Variants in AZIN2 observed in about 807,000 individuals in gnomAD.
AZIN2 encodes the protein antizyme inhibitor 2, also known as ODC antizyme inhibitor-2.
In AZIN2, 28 loss-of-function variants were observed where a neutral mutation model predicts 47.8. The ratio of observed to expected loss-of-function variants is 0.59; its 90% CI spans 0.43 to 0.80. AZIN2 has a LOEUF of 0.80. Ranked by LOEUF, AZIN2 falls within the 30% of genes least tolerant of loss-of-function variation. AZIN2 has a pLI of 0.00. For missense variants in AZIN2, 535 were observed against 582.5 expected (o/e 0.92, Z 0.84); for synonymous variants, 221 against 239.4 (o/e 0.92, Z 0.71).
At chr1:33,157,275 G>A in the AZIN2 span, among the ~76,000 whole-genome samples, 11 of 152,020 alleles carry the variant, frequency 7.2e-5, no homozygotes, top group Non-Finnish European at 1.5e-4. Flanking sequence ...TGCTCTTCCT[G>A]CCTGGGAAAC....
intron 10 of AZIN2, among the ~76,000 whole-genome samples, chr1:33,105,138 G>A (rs1643935027): frequency 6.6e-6 from 1 of 152,186 alleles, no homozygotes; most frequent in Admixed American, 6.5e-5. Flanking sequence ...AATCAGAGCT[G>A]GGTGGGGAGA....
At position 33,096,861 on chromosome 1, in the gene AZIN2, G is replaced by T; in HGVS notation, c.908G>T (p.Gly303Val). Residue 303 changes from glycine to valine, a missense_variant, in exon 9 of 12, where the codon GGC becomes GTC. Gly to Val is a moderately radical substitution (Grantham distance 109). Around this residue, in one of 3 missense-constraint regions of AZIN2, gnomAD observed 409 missense variants for 429.0 expected, o/e 0.95. Transcript: ENST00000294517. Reference sequence around the variant, plus strand: ...AAGGAGGTTCTGCTAGACCAGCCTGGCAGGGAGGGTAGGTGCCAGGTGGGC... The same window carrying T: ...AAGGAGGTTCTGCTAGACCAGCCTGTCAGGGAGGGTAGGTGCCAGGTGGGC... ...AKKEVLLDQPGREEENGSTSK... is the reference protein window; with the variant it reads ...AKKEVLLDQPVREEENGSTSK... 1 of 1,614,144 alleles carries T rather than the reference G, an allele frequency of 6.2e-7. No homozygotes were observed. The highest frequency in any genetic ancestry group is 8.5e-7 in the Non-Finnish European group (1 of 1,180,008).
At chr1:33,162,813 C>G in the AZIN2 span, 1 of 152,292 alleles carries the variant, frequency 6.6e-6, no homozygotes, top group African/African-American at 2.4e-5. Flanking sequence ...ACTACAAAGC[C>G]ATAGCTCTTG....
At chr1:33,107,254 A>G (rs758171875) in intron 10 of AZIN2, among the ~76,000 whole-genome samples, 1 of 151,454 alleles carries the variant, frequency 6.6e-6, no homozygotes, top group Non-Finnish European at 1.5e-5. Context: ...ACTGCACTCT[A>G]GCCTGGGCAA....
the AZIN2 span, chr1:33,166,223 A>G: frequency 6.6e-6 from 1 of 152,294 alleles, no homozygotes; most frequent in Non-Finnish European, 1.5e-5. Flanking sequence ...CTGATCCTAC[A>G]TCATGTTGAG....
At position 33,093,887 on chromosome 1, in the gene AZIN2, A is replaced by G. The variant is rs748448044; in HGVS notation, c.587+471A>G. On this transcript the variant is annotated intron_variant, in intron 7 of 11. Transcript: ENST00000294517. The stretch of plus-strand genomic sequence containing the variant: ...GTAGCTGTGACCACAGGCGTGCATT[A>G]CCACACCTGACTAATTTTTATTTGT... Among the ~76,000 whole-genome samples the G allele has an allele frequency of 7.0e-4, 106 of 151,824 alleles. 1 individual carries two copies. Among genetic ancestry groups the G allele is most frequent in the Non-Finnish European group, 1.5e-4 (10 of 67,956 alleles).
chr1:33,151,963 G>C, the AZIN2 span, among the ~76,000 whole-genome samples: 10 of 152,350 alleles, frequency 6.6e-5, no homozygotes, highest in Non-Finnish European at 1.0e-4. Context: ...AACATGAAAG[G>C]CTGGCTGTAA....
chr1:33,119,405 T>A (rs762339425), intron 11 of AZIN2: 1 of 155,842 alleles, frequency 6.4e-6, no homozygotes, highest in Non-Finnish European at 1.4e-5. Flanking sequence ...GAAATGGTGT[T>A]ACCCATGGGG....
chr1:33,114,671 T>TG (rs1644452416), intron 10 of AZIN2, among the ~76,000 whole-genome samples: 4 of 143,716 alleles, frequency 2.8e-5, no homozygotes, highest in Admixed American at 2.1e-4. Context: ...TTTTTTTTTT[T>TG]TTGAGATGGA....
chr1:33,115,717 T>C (rs1644510643), intron 10 of AZIN2, among the ~76,000 whole-genome samples: 2 of 152,076 alleles, frequency 1.3e-5, no homozygotes, highest in Admixed American at 1.3e-4. Flanking sequence ...AAAAGTTAAA[T>C]AGATACATAA....
At chr1:33,095,978 C>T (rs1485479634) in intron 8 of AZIN2, among the ~76,000 whole-genome samples, 2 of 152,134 alleles carry the variant, frequency 1.3e-5, no homozygotes, top group Non-Finnish European at 2.9e-5. Flanking sequence ...GCTAGGATTA[C>T]AGGTGCAAGC....
intron 10 of AZIN2, among the ~76,000 whole-genome samples, chr1:33,100,923 G>A (rs1643633237): frequency 6.6e-6 from 1 of 152,032 alleles, no homozygotes; most frequent in Non-Finnish European, 1.5e-5. Flanking sequence ...GTTCAGTGGT[G>A]TGATCTCGGC....
the AZIN2 span, chr1:33,146,952 A>T: frequency 1.7e-6 from 1 of 578,564 alleles, no homozygotes; most frequent in Non-Finnish European, 3.1e-6. Flanking sequence ...CTTGGATCAA[A>T]GCTGTATCCC....
At chr1:33,087,489 T>C (rs1167821641) in intron 5 of AZIN2, among the ~76,000 whole-genome samples, 1 of 151,194 alleles carries the variant, frequency 6.6e-6, no homozygotes, top group Non-Finnish European at 1.5e-5. Context: ...CAGGGTGGAG[T>C]GCAGTGGCGT....
chr1:33,082,228 C>A lies in AZIN2; in HGVS notation c.-22C>A. 6.2e-7 allele frequency: 1 copy of A among 1,605,222 alleles called. No individual in the cohort carries two copies. Among genetic ancestry groups the A allele is most frequent in the Non-Finnish European group, 8.5e-7 (1 of 1,172,490 alleles). ...GGCTGCAGCAGCGGCTCCATCCAGC[C>A]CGTCAGCTCCTCCTGCAAGGCATGG... On this transcript the variant is annotated 5_prime_UTR_variant, in exon 4 of 12. Transcript: ENST00000294517.
the AZIN2 span, among the ~76,000 whole-genome samples, chr1:33,141,000 C>G: frequency 3.9e-5 from 6 of 152,304 alleles, no homozygotes; most frequent in South Asian, 1.0e-3. This position sits in a 1 kb window ranked among gnomAD's most constrained non-coding sequence, Gnocchi z 4.0. Flanking sequence ...GGATCTGGCC[C>G]TGACTGTGCC....
intron 10 of AZIN2, among the ~76,000 whole-genome samples, chr1:33,117,180 T>C (rs1478110983): frequency 6.6e-6 from 1 of 152,244 alleles, no homozygotes; most frequent in Admixed American, 6.5e-5. Context: ...TTGTGTCTAC[T>C]CTGTGGGGTC....
rs1644777570 is a variant in AZIN2, at chr1:33,120,767, G to C, written c.*585G>C. 6.6e-6 allele frequency among the ~76,000 whole-genome samples: 1 copy of C among 152,252 alleles called. No homozygotes were observed. Among genetic ancestry groups the C allele is most frequent in the African/African-American group, 2.4e-5 (1 of 41,466 alleles). On this transcript the variant is annotated 3_prime_UTR_variant, in exon 12 of 12. Transcript: ENST00000294517. ...AGGGACTGAGATGGGCAGTTACGTA[G>C]CTCATAACTGGTGAATGGCCTTTGG...
intron 10 of AZIN2, among the ~76,000 whole-genome samples, chr1:33,110,442 T>C (rs1644238182): frequency 6.6e-6 from 1 of 152,226 alleles, no homozygotes; most frequent in South Asian, 2.1e-4. Context: ...TTACTTCATA[T>C]ATTGGAATTA....
Sources: gnomAD v4.1 joint callset for allele counts (sites outside exome capture counted in the v4.1 genomes callset) on GRCh38, gnomAD v4.1.1 for gene constraint, gnomAD v4.1.1 regional missense constraint, Gnocchi (gnomAD v3.1) non-coding constraint, MANE v1.5 for transcripts, NCBI Gene and HGNC (gene_info 2026-07-23, HGNC 2026-07-21) for gene names.